BMP5: variants seen among roughly 807,000 people sequenced by gnomAD.
BMP5 encodes the protein bone morphogenetic protein 5.
Under a neutral mutation model 46.6 loss-of-function variants are expected in BMP5, and 23 were observed. The observed-to-expected ratio is 0.49, with a 90% CI of 0.35 to 0.70. BMP5 has a LOEUF of 0.70. Among genes scored for constraint, BMP5 ranks in the 30% least tolerant of loss-of-function variants. The probability of loss-of-function intolerance (pLI) is 0.00; values close to 1 mark genes in which losing one functional copy is unlikely to be tolerated. For missense variants in BMP5, 545 were observed against 565.6 expected (o/e 0.96, Z 0.37); for synonymous variants, 204 against 191.9 (o/e 1.06, Z -0.52).
At chr6:55,853,138 T>TAAATAAAATAAAATAAAATA (rs750937640) in intron 1 of BMP5, among the ~76,000 whole-genome samples, 22 of 107,484 alleles carry the variant, frequency 2.0e-4, no homozygotes, top group East Asian at 1.2e-3. Context: ...CTCAAATACA[T>TAAATAAAATAAAATAAAATA]AAATAAAATA....
intron 1 of BMP5, among the ~76,000 whole-genome samples, chr6:55,829,810 T>G (rs926403813): frequency 6.6e-6 from 1 of 152,050 alleles, no homozygotes; most frequent in Non-Finnish European, 1.5e-5. Flanking sequence ...GTGATGTTTT[T>G]GAACATAATA....
chr6:55,830,460 A>G (rs944748521), intron 1 of BMP5, among the ~76,000 whole-genome samples: 5 of 152,122 alleles, frequency 3.3e-5, no homozygotes, highest in Non-Finnish European at 7.4e-5. Flanking sequence ...TCAGCTACGC[A>G]TCTTTGAGCA....
rs372083649 is a variant in BMP5 at position 55,774,240 on chromosome 6, C to A, written c.836G>T (p.Arg279Leu). The change falls in exon 4 of 7, where the codon CGC becomes CTC. Residue 279 changes from arginine (R) to leucine (L), a missense_variant. Arg to Leu is a moderately radical substitution (Grantham distance 102). Transcript: ENST00000370830. The stretch of plus-strand genomic sequence containing the variant: ...ACCAGCAGATTTTACGTTGATACTG[C>A]GTCCTAGAACGTAATACAAAAGCAC... The part of the protein sequence containing the change: ...LQLCAETGDG[R>L]SINVKSAGLV... 1 of 1,612,288 alleles carries A rather than the reference C, an allele frequency of 6.2e-7. No homozygotes were observed. The highest frequency in any genetic ancestry group is 1.1e-5 in the South Asian group (1 of 91,046).
chr6:55,781,203 TTTAAG>T (rs773932116), intron 3 of BMP5, among the ~76,000 whole-genome samples: 26 of 152,148 alleles, frequency 1.7e-4, no homozygotes, highest in Admixed American at 3.3e-4. Context: ...CCTCATTTAT[TTTAAG>T]AAAGTAGAAA....
intron 3 of BMP5, among the ~76,000 whole-genome samples, chr6:55,782,936 T>C (rs1034544702): frequency 1.3e-5 from 2 of 152,124 alleles, no homozygotes; most frequent in African/African-American, 2.4e-5. Context: ...AGTATGCTTT[T>C]CCTCTAAGTA....
Position 55,754,254 on chromosome 6 carries a change from C to G in BMP5, c.*1279G>C, listed in dbSNP as rs1196737067. The G allele has an allele frequency of 6.6e-6, 1 of 151,662 alleles. No homozygotes were observed. Among genetic ancestry groups the G allele is most frequent in the Non-Finnish European group, 1.5e-5 (1 of 67,868 alleles). The allele number at this position is 151,662 out of a possible 1,614,324, so 9.4% of individuals were successfully genotyped here. On this transcript the variant is annotated 3_prime_UTR_variant, in exon 7 of 7. Coordinates refer to ENST00000370830, the MANE Select transcript of BMP5 (RefSeq NM_021073.4). ...AAGTCAGTGTGTGTTAAAGAAAGGC[C>G]TTAGAGGGCATTCTAATAGATAGAG...
At chr6:55,793,507 A>C (rs1775622958) in intron 3 of BMP5, among the ~76,000 whole-genome samples, 1 of 152,128 alleles carries the variant, frequency 6.6e-6, no homozygotes, top group African/African-American at 2.4e-5. Flanking sequence ...TTTTGGCTCC[A>C]TCCCAGGTGT....
intron 1 of BMP5, among the ~76,000 whole-genome samples, chr6:55,849,076 C>T (rs977724316): frequency 1.2e-4 from 18 of 152,084 alleles, no homozygotes; most frequent in African/African-American, 3.9e-4. Context: ...AACAATTAGC[C>T]TCATTGCATT....
At chr6:55,794,775 G>A (rs1775665364) in intron 2 of BMP5, among the ~76,000 whole-genome samples, 1 of 152,180 alleles carries the variant, frequency 6.6e-6, no homozygotes, top group Admixed American at 6.5e-5. Flanking sequence ...GGATTAAACT[G>A]AATAGAGTCA....
chr6:55,776,740 A>C (rs1775182528), intron 3 of BMP5, among the ~76,000 whole-genome samples: 1 of 152,006 alleles, frequency 6.6e-6, no homozygotes, highest in South Asian at 2.1e-4. Flanking sequence ...TTTTCCATTC[A>C]TTACAACACA....
intron 3 of BMP5, among the ~76,000 whole-genome samples, chr6:55,782,905 G>T (rs1487425829): frequency 6.6e-6 from 1 of 152,050 alleles, no homozygotes; most frequent in Non-Finnish European, 1.5e-5. Context: ...TTTTAACTCA[G>T]CCTTGTCACA....
chr6:55,755,521 T>C lies in BMP5; in HGVS notation c.*12A>G. 6.2e-7 allele frequency: 1 copy of C among 1,600,552 alleles called. No homozygotes were observed. Among genetic ancestry groups the C allele is most frequent in the Non-Finnish European group, 8.6e-7 (1 of 1,168,912 alleles). On this transcript the variant is annotated 3_prime_UTR_variant, in exon 7 of 7. Coordinates refer to ENST00000370830, the MANE Select transcript of BMP5 (RefSeq NM_021073.4). ...ATACAGATCTTTTTGTTATTATCAA[T>C]ATTATTTAATATTAGTGGCAGCCAC... is the stretch of plus-strand genomic sequence containing the variant.
At chr6:55,792,427 G>A (rs532065172) in intron 3 of BMP5, among the ~76,000 whole-genome samples, 4 of 151,928 alleles carry the variant, frequency 2.6e-5, no homozygotes, top group Non-Finnish European at 5.9e-5. Context: ...CCGGCTACTC[G>A]GGAGGCTGAG....
At chr6:55,813,125 TCCTAGTGTTTTTTG>T (rs1197173997) in intron 2 of BMP5, among the ~76,000 whole-genome samples, 1 of 152,156 alleles carries the variant, frequency 6.6e-6, no homozygotes, top group Non-Finnish European at 1.5e-5. Flanking sequence ...GATTTTTAAA[TCCTAGTGTTTTTTG>T]TTTTGTTTTG....
At chr6:55,825,966 T>C (rs1384334131) in intron 1 of BMP5, among the ~76,000 whole-genome samples, 11 of 151,876 alleles carry the variant, frequency 7.2e-5, no homozygotes. Flanking sequence ...ATAGAATTAT[T>C]ACTAATCTGT....
Position 55,753,668 on chromosome 6 carries a change from T to C in BMP5, c.*1865A>G, listed in dbSNP as rs575365579. 19 of 152,110 alleles carry C rather than the reference T, an allele frequency of 1.2e-4. No individual in the cohort carries two copies. Among genetic ancestry groups the C allele is most frequent in the Admixed American group, 1.1e-3 (17 of 15,252 alleles). 9.4% of individuals were successfully genotyped at this position (152,110 alleles called of 1,614,324 possible). ...AATTCATGGATTGTTGCTTTGCACATTTAATAGTGAGATAATTATTAACAA... is the reference window on the plus strand; with the variant it reads ...AATTCATGGATTGTTGCTTTGCACACTTAATAGTGAGATAATTATTAACAA... On this transcript the variant is annotated 3_prime_UTR_variant, in exon 7 of 7. Coordinates refer to ENST00000370830, the MANE Select transcript of BMP5 (RefSeq NM_021073.4).
At chr6:55,840,449 G>A (rs1468480485) in intron 1 of BMP5, among the ~76,000 whole-genome samples, 1 of 151,982 alleles carries the variant, frequency 6.6e-6, no homozygotes, top group Admixed American at 6.6e-5. Context: ...ATCTGAGAGG[G>A]AACACACTCA....
chr6:55,771,354 G>A (rs747931238), intron 4 of BMP5, among the ~76,000 whole-genome samples: 1 of 151,692 alleles, frequency 6.6e-6, no homozygotes, highest in Non-Finnish European at 1.5e-5. Context: ...CCTTTGCACT[G>A]CCTCAACATG....
At chr6:55,846,585 C>T (rs1777102445) in intron 1 of BMP5, among the ~76,000 whole-genome samples, 1 of 151,928 alleles carries the variant, frequency 6.6e-6, no homozygotes, top group Admixed American at 6.6e-5. Flanking sequence ...CATATTCACA[C>T]ACAAATTAGT....
Sources: gnomAD v4.1 joint callset for allele counts (sites outside exome capture counted in the v4.1 genomes callset) on GRCh38, gnomAD v4.1.1 for gene constraint, MANE v1.5 for transcripts, NCBI Gene and HGNC (gene_info 2026-07-23, HGNC 2026-07-21) for gene names.